The following NIPBL variants were observed in gnomAD, a reference collection of about 807,000 sequenced individuals.
The protein encoded by NIPBL is nipped-B-like protein.
Under a neutral mutation model 321.8 loss-of-function variants are expected in NIPBL, and 19 were observed. The ratio of observed to expected loss-of-function variants is 0.06; its 90% CI spans 0.04 to 0.09. The LOEUF is 0.09. Ranked by LOEUF, NIPBL falls within the 10% of genes least tolerant of loss-of-function variation. NIPBL has a pLI of 1.00. For synonymous variants in NIPBL, 1,106 were observed against 1,114.1 expected, an observed-to-expected ratio of 0.99 and a Z score of 0.14; for missense variants, 2,210 against 3,327.0, an observed-to-expected ratio of 0.66 and a Z score of 8.26.
At chr5:36,900,955 C>T (rs1033206164) in intron 1 of NIPBL, among the ~76,000 whole-genome samples, 6 of 152,116 alleles carry the variant, frequency 3.9e-5, no homozygotes, top group Non-Finnish European at 8.8e-5. Flanking sequence ...TTTTCCCCAG[C>T]CTTTATTTTA....
At chr5:37,000,937 C>T in intron 13 of NIPBL, 49 bp downstream of exon 13, 1 of 1,582,264 alleles carries the variant, frequency 6.3e-7, no homozygotes, top group Non-Finnish European at 8.7e-7. Context: ...TCTTCAGCTT[C>T]ACATGTCTAC....
chr5:36,988,715 GTT>G (rs1162058208), intron 10 of NIPBL, among the ~76,000 whole-genome samples: 6 of 152,062 alleles, frequency 3.9e-5, no homozygotes, highest in Non-Finnish European at 8.8e-5. Context: ...GAGTAAAGGA[GTT>G]AGTCTGAATA....
At chr5:37,005,017 A>G (rs1430599979) in intron 16 of NIPBL, among the ~76,000 whole-genome samples, 1 of 152,182 alleles carries the variant, frequency 6.6e-6, no homozygotes, top group African/African-American at 2.4e-5. Context: ...GGCCCAGGAC[A>G]GATTTGAATG....
chr5:37,041,651 C>T (rs1221364449), intron 34 of NIPBL, among the ~76,000 whole-genome samples: 1 of 151,984 alleles, frequency 6.6e-6, no homozygotes, highest in African/African-American at 2.4e-5. Context: ...CAACCTTCGC[C>T]TCCCAGGTTC....
chr5:37,032,400 TG>T (rs1751149933), intron 32 of NIPBL, among the ~76,000 whole-genome samples: 1 of 136,528 alleles, frequency 7.3e-6, no homozygotes, highest in African/African-American at 3.3e-5. Context: ...TGTGTGTGTG[TG>T]TGTGTGTGTG....
intron 1 of NIPBL, among the ~76,000 whole-genome samples, chr5:36,900,523 C>T (rs1006897629): frequency 6.6e-6 from 1 of 152,036 alleles, no homozygotes; most frequent in African/African-American, 2.4e-5. Context: ...GTCCCATGAG[C>T]AATTCAGTCA....
chr5:36,937,821 C>T (rs1738614137), intron 1 of NIPBL, among the ~76,000 whole-genome samples: 1 of 152,176 alleles, frequency 6.6e-6, no homozygotes, highest in African/African-American at 2.4e-5. Flanking sequence ...GTTTGGAGAA[C>T]AATGTGTGTT....
At position 36,985,265 on chromosome 5, in the gene NIPBL, A is replaced by G; in HGVS notation, c.2085A>G (p.Thr695=). Residue 695 remains threonine, a synonymous_variant, in exon 10 of 47, where the codon ACA becomes ACG. Coordinates refer to ENST00000282516, the MANE Select transcript of NIPBL (RefSeq NM_133433.4). The stretch of plus-strand genomic sequence containing the variant: ...AACAAAATAATGGCAGATCAGAAAC[A>G]ACAAAATCAAGGCCTGAAACCCCAA... ...DNKQNNGRSE[T]TKSRPETPKQ... is the part of the protein sequence containing the mutation. The G allele has an allele frequency of 6.2e-7, 1 of 1,613,778 alleles. No individual in the cohort carries two copies. The highest frequency in any genetic ancestry group is 8.5e-7 in the Non-Finnish European group (1 of 1,179,942).
chr5:36,915,157 A>G (rs977865935), intron 1 of NIPBL, among the ~76,000 whole-genome samples: 2 of 152,228 alleles, frequency 1.3e-5, no homozygotes, highest in South Asian at 4.1e-4. Flanking sequence ...AAAAATATCC[A>G]AAATGTCCTA....
intron 1 of NIPBL, among the ~76,000 whole-genome samples, chr5:36,904,687 A>G (rs1417348929): frequency 6.6e-6 from 1 of 152,194 alleles, no homozygotes; most frequent in Admixed American, 6.5e-5. Context: ...TGACTGGCAG[A>G]GAATCTGTTC....
At chr5:37,047,914 A>G (rs186872359) in intron 38 of NIPBL, among the ~76,000 whole-genome samples, 42 of 152,322 alleles carry the variant, frequency 2.8e-4, no homozygotes, top group African/African-American at 9.1e-4. Flanking sequence ...CCTTATTATA[A>G]TGCCATATGA....
intron 7 of NIPBL, 89 bp downstream of exon 7, chr5:36,971,125 C>G (rs1742804806): frequency 1.0e-6 from 1 of 1,001,524 alleles, no homozygotes; most frequent in Non-Finnish European, 1.6e-6. Context: ...TGAATGATAC[C>G]TACCGTATAT....
At chr5:36,987,146 C>T (rs1185503090) in intron 10 of NIPBL, among the ~76,000 whole-genome samples, 4 of 152,152 alleles carry the variant, frequency 2.6e-5, no homozygotes, top group African/African-American at 9.7e-5. Context: ...TCCCAAAGTG[C>T]TGGGATTACA....
intron 17 of NIPBL, 32 bp downstream of exon 17, chr5:37,006,620 A>G (rs1380525965): frequency 6.8e-7 from 1 of 1,473,036 alleles, no homozygotes; most frequent in South Asian, 1.2e-5. Context: ...ATTATTGTAA[A>G]TTTTTGCCAT....
At position 36,984,792 on chromosome 5, in the gene NIPBL, G is replaced by A. The variant is rs28638115; in HGVS notation, c.1612G>A (p.Ala538Thr). The change falls in exon 10 of 47, where the codon GCA becomes ACA. Residue 538 changes from alanine to threonine, a missense_variant. Transcript: ENST00000282516. ...TTCTACGGGAAATGGGTCAAGGCCA[G>A]CATTAATGGTTAGCATTGATCTTCA... is the stretch of plus-strand genomic sequence containing the variant. ...TGSTGNGSRPALMVSIDLHQA... is the reference protein window; with the variant it reads ...TGSTGNGSRPTLMVSIDLHQA... The A allele has an allele frequency of 6.2e-7, 1 of 1,613,748 alleles. No homozygotes were observed. The highest frequency in any genetic ancestry group is 8.5e-7 in the Non-Finnish European group (1 of 1,179,848).
In NIPBL at chr5:37,065,573, CTT is replaced by C. The variant is rs1439072487; in HGVS notation, c.*684_*685del. 1 of 152,488 alleles carries C rather than the reference CTT, an allele frequency of 6.6e-6. No individual in the cohort carries two copies. Among genetic ancestry groups the C allele is most frequent in the African/African-American group, 2.4e-5 (1 of 41,410 alleles). 9.4% of individuals were successfully genotyped at this position (152,488 alleles called of 1,614,324 possible). A position where few individuals can be genotyped will look rare whatever the true frequency, so the allele number is the denominator to read the frequency against. On this transcript the variant is annotated 3_prime_UTR_variant, in exon 47 of 47. Transcript: ENST00000282516. ...AAATCCATTTATATTATTTTACAGT[CTT>C]TTATGTAAAATTTATTATATCACTG...
At chr5:36,914,506 CTT>C (rs1323883985) in intron 1 of NIPBL, among the ~76,000 whole-genome samples, 1 of 152,180 alleles carries the variant, frequency 6.6e-6, no homozygotes, top group Non-Finnish European at 1.5e-5. Context: ...GCAGTCAAAA[CTT>C]TAATGCGCAA....
intron 32 of NIPBL, among the ~76,000 whole-genome samples, chr5:37,031,275 C>T (rs919333865): frequency 6.6e-6 from 1 of 152,132 alleles, no homozygotes; most frequent in Admixed American, 6.5e-5. Context: ...CGCAAGCCAC[C>T]GTGCCTGGCC....
rs570203387 is a variant in NIPBL, at chr5:37,064,574, A to G, written c.8097A>G (p.Ala2699=). Reference sequence around the variant, plus strand: ...ATTCAGACTCTACGGAGTTGGCAGCACAGATGAATGAAAGTGTTGACGTCA... The same window carrying G: ...ATTCAGACTCTACGGAGTTGGCAGCGCAGATGAATGAAAGTGTTGACGTCA... ...KRNSDSTELA[A]QMNESVDVMD... is the part of the protein sequence containing the mutation. The change falls in exon 47 of 47, where the codon GCA becomes GCG. Residue 2699 remains alanine, a synonymous_variant. Coordinates refer to ENST00000282516, the MANE Select transcript of NIPBL (RefSeq NM_133433.4). 3 of 1,614,198 alleles carry G rather than the reference A, an allele frequency of 1.9e-6. No homozygotes were observed. Among genetic ancestry groups the G allele is most frequent in the African/African-American group, 2.7e-5 (2 of 75,060 alleles).
Sources: gnomAD v4.1 joint callset for allele counts (sites outside exome capture counted in the v4.1 genomes callset) on GRCh38, gnomAD v4.1.1 for gene constraint, MANE v1.5 for transcripts, NCBI Gene and HGNC (gene_info 2026-07-23, HGNC 2026-07-21) for gene names.